Variants in TFAP4 observed in about 807,000 individuals in gnomAD.
TFAP4 encodes activating enhancer-binding protein 4.
Under a neutral mutation model 40.4 loss-of-function variants are expected in TFAP4, and 7 were observed. That is an observed-to-expected ratio of 0.17 (90% CI 0.10 to 0.33). TFAP4 has a LOEUF of 0.33. Ranked by LOEUF, TFAP4 falls within the 10% of genes least tolerant of loss-of-function variation. TFAP4 has a pLI of 1.00. For synonymous variants in TFAP4, 218 were observed against 181.4 expected (o/e 1.20, Z -1.62); for missense variants, 374 against 451.1 (o/e 0.83, Z 1.55).
chr16:4,258,411 A>G, intron 6 of TFAP4, 162 bp from the exon 7 acceptor site: 1 of 607,876 alleles, frequency 1.6e-6, no homozygotes, highest in Non-Finnish European at 2.8e-6. Context: ...GGAAAAACAA[A>G]CTCCTTTTAC....
intron 3 of TFAP4, 157 bp downstream of exon 3, chr16:4,262,167 C>A (rs954651099): frequency 2.1e-6 from 2 of 971,974 alleles, no homozygotes; most frequent in Non-Finnish European, 1.6e-6. Flanking sequence ...CGCACTTGAC[C>A]GATGGGGAAA....
chr16:4,269,995 A>T (rs910676684), intron 1 of TFAP4, among the ~76,000 whole-genome samples: 1 of 152,066 alleles, frequency 6.6e-6, no homozygotes, highest in Admixed American at 6.6e-5. Context: ...AGCCTGGCCA[A>T]CCACTATGGT....
Position 4,257,902 on chromosome 16 carries a change from G to C in TFAP4, c.*153C>G. 2.6e-6 allele frequency: 2 copies of C among 777,746 alleles called. No homozygotes were observed. Among genetic ancestry groups the C allele is most frequent in the Non-Finnish European group, 4.0e-6 (2 of 502,610 alleles). The allele number at this position is 777,746 out of a possible 1,614,324, so 48.2% of individuals were successfully genotyped here. ...CTCGGGTTGAGTGGCTTCGTTCAAA[G>C]GTCGATTTACAGTATTGAAAAAGAG... On this transcript the variant is annotated 3_prime_UTR_variant, in exon 7 of 7. Transcript: ENST00000204517.
intron 1 of TFAP4, among the ~76,000 whole-genome samples, chr16:4,271,384 C>T (rs1390525261): frequency 6.6e-6 from 1 of 152,240 alleles, no homozygotes; most frequent in Non-Finnish European, 1.5e-5. Context: ...CCATTTCGCT[C>T]CTGGAGCAGC....
At chr16:4,272,558 C>A in intron 1 of TFAP4, 100 bp downstream of exon 1, 1 of 818,794 alleles carries the variant, frequency 1.2e-6, no homozygotes, top group South Asian at 2.6e-5. Context: ...CTAGCGGGGT[C>A]GGCGGCGCGG....
At chr16:4,271,196 AC>A (rs1402688185) in intron 1 of TFAP4, among the ~76,000 whole-genome samples, 1 of 152,000 alleles carries the variant, frequency 6.6e-6, no homozygotes, top group African/African-American at 2.4e-5. Flanking sequence ...TAAGGTGGGG[AC>A]CCCCGGGGCA....
chr16:4,266,043 G>A (rs1165774693), intron 1 of TFAP4: 1 of 152,420 alleles, frequency 6.6e-6, no homozygotes, highest in Non-Finnish European at 1.5e-5. Context: ...CCCGGCCCAA[G>A]TCCCACCAAC....
At chr16:4,267,753 TC>T (rs552583910) in intron 1 of TFAP4, among the ~76,000 whole-genome samples, 54 of 152,238 alleles carry the variant, frequency 3.5e-4, no homozygotes, top group Admixed American at 2.6e-3. Flanking sequence ...CGTGGGAAAG[TC>T]CACACGGGAT....
chr16:4,258,316 G>C (rs1446826235), intron 6 of TFAP4, 67 bp from the exon 7 acceptor site: 8 of 1,451,776 alleles, frequency 5.5e-6, no homozygotes, highest in South Asian at 1.4e-5. Context: ...GACAGTGGGG[G>C]CTCTCAGCCA....
At position 4,273,004 on chromosome 16, in the gene TFAP4, T is replaced by TGTGTGTGTGTGTGTGTGTG. The variant is rs2053053825; in HGVS notation, c.-259_-258insCACACACACACACACACAC. 1 of 327,350 alleles carries TGTGTGTGTGTGTGTGTGTG rather than the reference T, an allele frequency of 3.1e-6. No homozygotes were observed. The highest frequency in any genetic ancestry group is 2.9e-5 in the African/African-American group (1 of 35,076). 20.3% of individuals were successfully genotyped at this position (327,350 alleles called of 1,614,324 possible). ...TGTGTGTGTGTGTGTGTGTGTGTGT[T>TGTGTGTGTGTGTGTGTGTG]TGCAGCTGATCAGATGTCTGTTTCA... On this transcript the variant is annotated 5_prime_UTR_variant, in exon 1 of 7. Coordinates refer to ENST00000204517, the MANE Select transcript of TFAP4 (RefSeq NM_003223.3).
At chr16:4,268,754 G>C (rs1440373252) in intron 1 of TFAP4, among the ~76,000 whole-genome samples, 1 of 151,956 alleles carries the variant, frequency 6.6e-6, no homozygotes, top group East Asian at 1.9e-4. Flanking sequence ...ATTCACACCC[G>C]GCTAGTTTTT....
At chr16:4,260,965 G>A (rs554605551) in intron 4 of TFAP4, among the ~76,000 whole-genome samples, 22 of 152,154 alleles carry the variant, frequency 1.4e-4, no homozygotes, top group Non-Finnish European at 2.9e-4. Context: ...ATGGTTTTTT[G>A]TTTTTGTTTT....
At chr16:4,269,735 C>A (rs1049094378) in intron 1 of TFAP4, among the ~76,000 whole-genome samples, 11 of 145,882 alleles carry the variant, frequency 7.5e-5, no homozygotes, top group Non-Finnish European at 1.4e-4. Context: ...GCTTGAACCC[C>A]GGAGGCAGAA....
chr16:4,272,834 G>T lies in TFAP4; in HGVS notation c.-88C>A. ...GAAATCCGAATCAAAGGGCAGCGCC[G>T]GACGGAGGTGCAGAATCGGCCGGTC... On this transcript the variant is annotated 5_prime_UTR_variant, in exon 1 of 7. Transcript: ENST00000204517. The T allele has an allele frequency of 8.0e-7, 1 of 1,256,484 alleles. No homozygotes were observed. The highest frequency in any genetic ancestry group is 1.1e-6 in the Non-Finnish European group (1 of 916,866). The allele number at this position is 1,256,484 out of a possible 1,614,324, so 77.8% of individuals were successfully genotyped here. A position where few individuals can be genotyped will look rare whatever the true frequency, so the allele number is the denominator to read the frequency against.
intron 1 of TFAP4, chr16:4,262,998 A>G: frequency 5.6e-6 from 2 of 357,332 alleles, no homozygotes; most frequent in Non-Finnish European, 1.0e-5. Context: ...ACGTAGTGAG[A>G]CCCTGTCTCT....
intron 1 of TFAP4, chr16:4,266,005 G>C (rs532286187): frequency 6.6e-5 from 10 of 152,492 alleles, no homozygotes; most frequent in Admixed American, 5.9e-4. Context: ...GCAGGGCAGG[G>C]TGCAGCCAGA....
chr16:4,261,956 A>AC lies in TFAP4; in HGVS notation c.355-8dup. 1.9e-6 allele frequency: 3 copies of AC among 1,597,048 alleles called. No homozygotes were observed. Among genetic ancestry groups the AC allele is most frequent in the Non-Finnish European group, 2.6e-6 (3 of 1,173,744 alleles). On this transcript the variant is annotated splice_region_variant and splice_polypyrimidine_tract_variant and intron_variant, in intron 3 of 6. Coordinates refer to ENST00000204517, the MANE Select transcript of TFAP4 (RefSeq NM_003223.3). Reference sequence around the variant, plus strand: ...GGGACGAGCCGCTCAGCTCCTGGGGACCCCAAGGAGTCGGTCAGTGTGCCT... The same window carrying AC: ...GGGACGAGCCGCTCAGCTCCTGGGGACCCCCAAGGAGTCGGTCAGTGTGCCT...
At chr16:4,268,349 T>G (rs2053014007) in intron 1 of TFAP4, among the ~76,000 whole-genome samples, 1 of 152,118 alleles carries the variant, frequency 6.6e-6, no homozygotes, top group South Asian at 2.1e-4. Context: ...AGAGTTAGTT[T>G]GCACCCAGGT....
chr16:4,259,831 G>A (rs913731646), intron 6 of TFAP4, among the ~76,000 whole-genome samples: 3 of 152,202 alleles, frequency 2.0e-5, no homozygotes, highest in South Asian at 2.1e-4. Context: ...GACCCTCTCC[G>A]GAAACCCCAT....
Sources: allele counts gnomAD v4.1 joint callset (sites outside exome capture counted in the v4.1 genomes callset), GRCh38; gene constraint gnomAD v4.1.1; transcripts MANE v1.5; gene names NCBI Gene and HGNC (gene_info 2026-07-23, HGNC 2026-07-21).